IRF8: variants seen among roughly 807,000 people sequenced by gnomAD.
IRF8 encodes interferon regulatory factor 8.
In IRF8, 14 loss-of-function variants were observed where a neutral mutation model predicts 48.7. That is an observed-to-expected ratio of 0.29 (90% CI 0.19 to 0.45). The LOEUF (loss-of-function observed/expected upper bound fraction) is 0.45, where lower values mean the gene tolerates loss of function less well. Among genes scored for constraint, IRF8 ranks in the 20% least tolerant of loss-of-function variants. The pLI, the probability that IRF8 is intolerant of heterozygous loss-of-function variation, is 1.00. For synonymous variants in IRF8, 278 were observed against 227.3 expected (o/e 1.22, Z -2.01); for missense variants, 493 against 580.7 (o/e 0.85, Z 1.55).
chr16:85,920,555 C>A (rs1395767152), intron 8 of IRF8, among the ~76,000 whole-genome samples: 2 of 152,130 alleles, frequency 1.3e-5, no homozygotes, highest in African/African-American at 4.8e-5. Context: ...CAGCTTTGAG[C>A]CCTGCATCCA....
intron 4 of IRF8, 38 bp from the exon 5 acceptor site, chr16:85,913,093 G>A (rs1416580538): frequency 2.1e-6 from 3 of 1,450,486 alleles, no homozygotes; most frequent in Non-Finnish European, 2.9e-6. Flanking sequence ...GGAGATCAGT[G>A]ACTGAGCTGC....
chr16:85,916,920 T>C (rs759621933), intron 6 of IRF8, among the ~76,000 whole-genome samples: 23 of 152,166 alleles, frequency 1.5e-4, no homozygotes, highest in Non-Finnish European at 2.2e-4. Flanking sequence ...CTATCTAGGA[T>C]TCAGTTTCCT....
intron 2 of IRF8, 38 bp from the exon 3 acceptor site, chr16:85,908,952 C>T (rs768277111): frequency 1.0e-5 from 16 of 1,555,926 alleles, no homozygotes; most frequent in East Asian, 2.2e-5. Context: ...TGATTGGAGT[C>T]GGCCATGAAT....
intron 3 of IRF8, 112 bp from the exon 4 acceptor site, chr16:85,911,454 ACACT>A (rs1224263798): frequency 2.3e-6 from 2 of 854,194 alleles, no homozygotes. Flanking sequence ...ACCAATGAAG[ACACT>A]CACTAACTTA....
intron 2 of IRF8, among the ~76,000 whole-genome samples, chr16:85,903,860 A>G (rs1196138285): frequency 1.3e-5 from 2 of 152,146 alleles, no homozygotes; most frequent in African/African-American, 4.8e-5. Flanking sequence ...AGGAGAAGTG[A>G]CTTGTTGAGG....
chr16:85,919,656 C>G (rs1265851133), intron 7 of IRF8, among the ~76,000 whole-genome samples: 2 of 152,242 alleles, frequency 1.3e-5, no homozygotes, highest in Admixed American at 6.5e-5. Flanking sequence ...AGGCGGGGCC[C>G]AAGATTCTAC....
Position 85,921,704 on chromosome 16 carries a change from TAG to T in IRF8, c.*425_*426del, listed in dbSNP as rs1315735403. ...GGTTGTTTTTGTCTTTATCGTTTGT[TAG>T]AGTTATAGATTTATGATTTCATAGG... On this transcript the variant is annotated 3_prime_UTR_variant, in exon 9 of 9. Transcript: ENST00000268638. The T allele has an allele frequency of 8.0e-6, 2 of 249,268 alleles. No individual in the cohort carries two copies. Among genetic ancestry groups the T allele is most frequent in the African/African-American group, 2.3e-5 (1 of 43,692 alleles). The allele number at this position is 249,268 out of a possible 1,614,324, so 15.4% of individuals were successfully genotyped here. A position where few individuals can be genotyped will look rare whatever the true frequency, so the allele number is the denominator to read the frequency against.
intron 5 of IRF8, 124 bp downstream of exon 5, chr16:85,913,360 C>A (rs1053769996): frequency 2.3e-5 from 17 of 748,044 alleles, no homozygotes; most frequent in Non-Finnish European, 3.8e-5. Context: ...AAAGGTAGCT[C>A]AGCCCTGAGA....
intron 2 of IRF8, among the ~76,000 whole-genome samples, chr16:85,904,754 C>T (rs527245250): frequency 2.0e-5 from 3 of 150,418 alleles, no homozygotes; most frequent in East Asian, 3.9e-4. Flanking sequence ...TGTGATGCCA[C>T]TGCCTGCCTC....
chr16:85,921,267 A>G lies in IRF8; in HGVS notation c.1266A>G (p.Gln422=), dbSNP rs1905554574. The change falls in exon 9 of 9, where the codon CAA becomes CAG. Residue 422 remains glutamine, a synonymous_variant. Coordinates refer to ENST00000268638, the MANE Select transcript of IRF8 (RefSeq NM_002163.4). Reference sequence around the variant, plus strand: ...AGAGATCATTTTTCAGAGAAAACCAACAGATCACCGTCTAAGTGCGTCGCT... The same window carrying G: ...AGAGATCATTTTTCAGAGAAAACCAGCAGATCACCGTCTAAGTGCGTCGCT... ...SHQRSFFREN[Q]QITV 1 of 1,614,034 alleles carries G rather than the reference A, an allele frequency of 6.2e-7. No individual in the cohort carries two copies. The highest frequency in any genetic ancestry group is 1.1e-5 in the South Asian group (1 of 91,084).
At chr16:85,903,992 G>A (rs919733783) in intron 2 of IRF8, among the ~76,000 whole-genome samples, 23 of 152,308 alleles carry the variant, frequency 1.5e-4, no homozygotes, top group African/African-American at 5.3e-4. Flanking sequence ...CCTAGATTCA[G>A]ACAGAGGAAC....
intron 6 of IRF8, among the ~76,000 whole-genome samples, chr16:85,918,061 G>A (rs1363679919): frequency 6.6e-6 from 1 of 152,214 alleles, no homozygotes; most frequent in Non-Finnish European, 1.5e-5. Context: ...ATGAGACGGA[G>A]TATTGTCATA....
At chr16:85,914,877 G>A (rs2143028468) in intron 6 of IRF8, among the ~76,000 whole-genome samples, 1 of 152,254 alleles carries the variant, frequency 6.6e-6, no homozygotes. Flanking sequence ...CATTTGGTCA[G>A]GAGCTGGCGA....
chr16:85,915,653 C>T (rs1024457625), intron 6 of IRF8, among the ~76,000 whole-genome samples: 15 of 152,250 alleles, frequency 9.9e-5, no homozygotes, highest in African/African-American at 3.6e-4. Flanking sequence ...CGGCAGCCGC[C>T]ATGCTCACAG....
At chr16:85,913,773 TCC>T (rs1597254233) in intron 5 of IRF8, among the ~76,000 whole-genome samples, 1 of 152,200 alleles carries the variant, frequency 6.6e-6, no homozygotes, top group East Asian at 1.9e-4. Flanking sequence ...AGTTTATTCA[TCC>T]GTAAAACAGA....
intron 1 of IRF8, chr16:85,901,107 G>T (rs1351943768): frequency 6.6e-6 from 1 of 152,426 alleles, no homozygotes; most frequent in Non-Finnish European, 1.5e-5. Flanking sequence ...TGTTTTCGGG[G>T]AGTGTGGGGG....
intron 2 of IRF8, among the ~76,000 whole-genome samples, chr16:85,905,756 T>C (rs1456983569): frequency 6.6e-6 from 1 of 152,278 alleles, no homozygotes; most frequent in East Asian, 1.9e-4. Flanking sequence ...TTTCCGGTTA[T>C]GTAGACACTT....
At position 85,914,624 on chromosome 16, in the gene IRF8, G is replaced by A. The variant is rs551025294; in HGVS notation, c.601+104G>A. ...GTTTCGAGGATGAGCAGGACCTGGT[G>A]TGGAAGTCTAGGCCTGGTTCCAAGG... On this transcript the variant is annotated intron_variant, in intron 6 of 8. Coordinates refer to ENST00000268638, the MANE Select transcript of IRF8 (RefSeq NM_002163.4). The A allele has an allele frequency of 1.5e-5, 20 of 1,325,060 alleles. No homozygotes were observed. The East Asian group carries it at 2.6e-4, about 17-fold the overall frequency. The allele number at this position is 1,325,060 out of a possible 1,614,324, so 82.1% of individuals were successfully genotyped here. A position where few individuals can be genotyped will look rare whatever the true frequency, so the allele number is the denominator to read the frequency against.
chr16:85,918,761 G>T lies in IRF8; in HGVS notation c.946G>T (p.Asp316Tyr). The T allele has an allele frequency of 6.2e-7, 1 of 1,611,832 alleles. No homozygotes were observed. The highest frequency in any genetic ancestry group is 8.5e-7 in the Non-Finnish European group (1 of 1,180,036). ...AGGCAGGCCCAACAAGCTGGAGCGTGATGAGGTGGTCCAGGTCTTCGACAC... is the reference window on the plus strand; with the variant it reads ...AGGCAGGCCCAACAAGCTGGAGCGTTATGAGGTGGTCCAGGTCTTCGACAC... ...CKGRPNKLER[D>Y]EVVQVFDTSQ... The change falls in exon 7 of 9, where the codon GAT becomes TAT. Residue 316 changes from aspartate (D) to tyrosine (Y), a missense_variant. Physicochemically the swap from Asp to Tyr is radical, Grantham distance 160 (BLOSUM62 -3). Coordinates refer to ENST00000268638, the MANE Select transcript of IRF8 (RefSeq NM_002163.4).
Sources: gnomAD v4.1 joint callset for allele counts (sites outside exome capture counted in the v4.1 genomes callset) on GRCh38, gnomAD v4.1.1 for gene constraint, MANE v1.5 for transcripts, NCBI Gene and HGNC (gene_info 2026-07-23, HGNC 2026-07-21) for gene names.